Variants in RABEPK observed in about 807,000 individuals in gnomAD.
RABEPK encodes the protein Rab9 effector protein with kelch motifs.
Under a neutral mutation model 34.1 loss-of-function variants are expected in RABEPK, and 27 were observed. The ratio of observed to expected loss-of-function variants is 0.79; its 90% confidence interval spans 0.58 to 1.09. The LOEUF (loss-of-function observed/expected upper bound fraction) is 1.09. RABEPK is among the 50% of genes least tolerant of loss of function. The probability of loss-of-function intolerance (pLI) is 0.00; values close to 1 mark genes in which losing one functional copy is unlikely to be tolerated. For missense variants in RABEPK, 449 were observed against 462.6 expected (o/e 0.97, Z 0.27); for synonymous variants, 172 against 169.2 (o/e 1.02, Z -0.13).
chr9:125,213,859 G>A (rs1464968528), intron 4 of RABEPK, among the ~76,000 whole-genome samples: 1 of 152,176 alleles, frequency 6.6e-6, no homozygotes, highest in Non-Finnish European at 1.5e-5. Flanking sequence ...GGTGGCCCAT[G>A]CCTGTAATCC....
chr9:125,222,919 G>A (rs953035210), intron 5 of RABEPK, among the ~76,000 whole-genome samples: 19 of 152,048 alleles, frequency 1.2e-4, no homozygotes, highest in Non-Finnish European at 1.9e-4. Flanking sequence ...TGATCCTTCA[G>A]CTTTGGTCCC....
chr9:125,210,245 T>C (rs1484109082), intron 3 of RABEPK, among the ~76,000 whole-genome samples: 1 of 148,544 alleles, frequency 6.7e-6, no homozygotes, highest in Non-Finnish European at 1.5e-5. Flanking sequence ...CTACTAAAAA[T>C]ACAAAAAATT....
chr9:125,204,187 A>G (rs1402387235), intron 2 of RABEPK, among the ~76,000 whole-genome samples: 1 of 151,850 alleles, frequency 6.6e-6, no homozygotes, highest in African/African-American at 2.4e-5. Flanking sequence ...ACAAAAAATT[A>G]GCCGGGCGTG....
chr9:125,206,522 T>G (rs374223635), intron 2 of RABEPK, among the ~76,000 whole-genome samples: 37 of 150,510 alleles, frequency 2.5e-4, no homozygotes, highest in East Asian at 1.4e-3. Flanking sequence ...GAGAGAGAGA[T>G]AGTGGAATGA....
Position 125,233,840 on chromosome 9 carries a change from G to C in RABEPK, c.979G>C (p.Asp327His), listed in dbSNP as rs1832397945. Residue 327 changes from aspartate (D) to histidine (H), a missense_variant, in exon 8 of 8, where the codon GAT becomes CAT. Physicochemically the swap from Asp to His is moderately conservative, Grantham distance 81. Coordinates refer to ENST00000373538, the MANE Select transcript of RABEPK (RefSeq NM_005833.4). ...LTLNHEAEKE[D>H]SADKVMSHSG... ...TCTGAACCATGAAGCTGAGAAAGAG[G>C]ATTCAGCTGACAAAGTAATGAGCCA... The C allele has an allele frequency of 4.3e-6, 7 of 1,614,160 alleles. No individual in the cohort carries two copies. The highest frequency in any genetic ancestry group is 5.9e-6 in the Non-Finnish European group (7 of 1,180,024).
In RABEPK at chr9:125,232,582, C is replaced by A; in HGVS notation, c.677-14C>A. 1.2e-6 allele frequency: 2 copies of A among 1,606,924 alleles called. No homozygotes were observed. Among genetic ancestry groups the A allele is most frequent in the Non-Finnish European group, 1.7e-6 (2 of 1,176,326 alleles). On this transcript the variant is annotated splice_polypyrimidine_tract_variant and intron_variant, in intron 6 of 7. Transcript: ENST00000373538. ...AGCCCATGCTGCGCCAAAGCTCTTT[C>A]TTTCTCTTGGCAGGTGACATGAAAT... is the stretch of plus-strand genomic sequence containing the variant.
At chr9:125,201,344 C>A (rs1295816643) in intron 1 of RABEPK, among the ~76,000 whole-genome samples, 1 of 152,170 alleles carries the variant, frequency 6.6e-6, no homozygotes. Context: ...ATTACAAGAA[C>A]AGCAAAAAAA....
chr9:125,229,313 G>A (rs1047964914), intron 6 of RABEPK, among the ~76,000 whole-genome samples: 1 of 151,852 alleles, frequency 6.6e-6, no homozygotes, highest in Non-Finnish European at 1.5e-5. Context: ...GGCACCTGTA[G>A]TCCTGGCTAC....
In RABEPK at chr9:125,203,121, A is replaced by T. The variant is rs59356323; in HGVS notation, c.53+55A>T. On this transcript the variant is annotated intron_variant, in intron 2 of 7. Coordinates refer to ENST00000373538, the MANE Select transcript of RABEPK (RefSeq NM_005833.4). The stretch of plus-strand genomic sequence containing the variant: ...AGCATGAGTTTTTGTTTCATTTATA[A>T]GTAGTTTATTTACATATTTGATCAT... The T allele has an allele frequency of 1.4e-4, 211 of 1,488,382 alleles. No homozygotes were observed. In the African/African-American group the frequency reaches 2.7e-3, roughly 19 times the overall value. 92.2% of individuals were successfully genotyped at this position (1,488,382 alleles called of 1,614,324 possible). A position where few individuals can be genotyped will look rare whatever the true frequency, so the allele number is the denominator to read the frequency against.
intron 2 of RABEPK, among the ~76,000 whole-genome samples, chr9:125,206,581 G>A (rs12352181): frequency 6.6e-6 from 1 of 152,160 alleles, no homozygotes; most frequent in African/African-American, 2.4e-5. Context: ...GCTTCCATCA[G>A]ATTGAGCTTT....
rs564589473 is a variant in RABEPK at position 125,230,777 on chromosome 9, C to T, written c.677-1819C>T. On this transcript the variant is annotated intron_variant, in intron 6 of 7. Transcript: ENST00000373538. ...GTCTCAATCTCCTGACCTTGTGATC[C>T]GCCCACCTCGGCCTCCCAAAGTGCT... Among the ~76,000 whole-genome samples, 60 of 151,694 alleles carry T rather than the reference C, an allele frequency of 4.0e-4. 1 individual carries two copies. The South Asian group carries it at 0.012, about 31-fold the overall frequency.
rs1446552434 is a variant in RABEPK at position 125,200,618 on chromosome 9, C to T, written c.-295C>T. 2.2e-6 allele frequency: 1 copy of T among 460,434 alleles called. No homozygotes were observed. The highest frequency in any genetic ancestry group is 4.6e-6 in the Non-Finnish European group (1 of 219,342). 28.5% of individuals were successfully genotyped at this position (460,434 alleles called of 1,614,324 possible). On this transcript the variant is annotated 5_prime_UTR_variant, in exon 1 of 8. Transcript: ENST00000373538. ...GCTGGAGGGTAGGGGCGAGGGTCCC[C>T]GGATACCGGGTCTATCACGGTCTCG...
At chr9:125,209,540 GGGTTTCA>G (rs2131377094) in intron 3 of RABEPK, among the ~76,000 whole-genome samples, 1 of 151,992 alleles carries the variant, frequency 6.6e-6, no homozygotes, top group Non-Finnish European at 1.5e-5. Flanking sequence ...GTAGAGATGG[GGGTTTCA>G]CCATGTTGGC....
At chr9:125,218,160 A>T (rs1227793873) in intron 4 of RABEPK, among the ~76,000 whole-genome samples, 1 of 150,918 alleles carries the variant, frequency 6.6e-6, no homozygotes, top group Non-Finnish European at 1.5e-5. Context: ...AAAAAAAAAA[A>T]ATACAAAAAA....
intron 4 of RABEPK, among the ~76,000 whole-genome samples, chr9:125,214,083 C>T (rs76255157): frequency 0.026 from 3,901 of 151,596 alleles, 188 homozygotes; most frequent in East Asian, 0.22. Context: ...GATCATGCCA[C>T]TGCACTCCAG....
intron 6 of RABEPK, 33 bp from the exon 7 acceptor site, chr9:125,232,563 T>G: frequency 6.3e-7 from 1 of 1,596,110 alleles, no homozygotes; most frequent in Non-Finnish European, 8.5e-7. Flanking sequence ...TCTTAGCCCA[T>G]GCTGCGCCAA....
At chr9:125,231,795 G>A (rs1195020458) in intron 6 of RABEPK, among the ~76,000 whole-genome samples, 1 of 151,788 alleles carries the variant, frequency 6.6e-6, no homozygotes, top group Non-Finnish European at 1.5e-5. Flanking sequence ...TAAGAAAGGG[G>A]ATAGGCAGAA....
intron 5 of RABEPK, among the ~76,000 whole-genome samples, chr9:125,225,453 G>A (rs527739573): frequency 6.6e-6 from 1 of 151,280 alleles, no homozygotes; most frequent in Non-Finnish European, 1.5e-5. Context: ...GGAGGCCCAG[G>A]GGGGTGGATC....
At chr9:125,226,724 G>C (rs990175324) in intron 5 of RABEPK, among the ~76,000 whole-genome samples, 2 of 151,562 alleles carry the variant, frequency 1.3e-5, no homozygotes, top group East Asian at 3.9e-4. Context: ...ATTAGCTGGG[G>C]GTGGTGGCAT....
Sources: allele counts gnomAD v4.1 joint callset (sites outside exome capture counted in the v4.1 genomes callset), GRCh38; gene constraint gnomAD v4.1.1; transcripts MANE v1.5; gene names NCBI Gene and HGNC (gene_info 2026-07-23, HGNC 2026-07-21).